The following C5 variants were observed in gnomAD, a reference collection of about 807,000 sequenced individuals.
C5 encodes C3 and PZP-like alpha-2-macroglobulin domain-containing protein 4.
Under a neutral mutation model 218.8 loss-of-function variants are expected in C5, and 140 were observed. That is an observed-to-expected ratio of 0.64 (90% CI 0.56 to 0.74). The LOEUF (loss-of-function observed/expected upper bound fraction) is 0.74, where lower values mean the gene tolerates loss of function less well. C5 is among the 30% of genes least tolerant of loss of function. The pLI is 0.00. For synonymous variants in C5, 614 were observed against 682.3 expected, an observed-to-expected ratio of 0.90 and a Z score of 1.56; for missense variants, 1,700 against 1,969.6, an observed-to-expected ratio of 0.86 and a Z score of 2.59.
intron 22 of C5, among the ~76,000 whole-genome samples, chr9:120,992,916 T>TTGTTGCTCAAAGAGGTACATCAGAGAC (rs1238952108): frequency 6.6e-6 from 1 of 152,226 alleles, no homozygotes; most frequent in Non-Finnish European, 1.5e-5. Flanking sequence ...TGAAGGCTTG[T>TTGTTGCTCAAAGAGGTACATCAGAGAC]TGTTGCTCAA....
At chr9:120,970,392 C>T (rs900981376) in intron 31 of C5, 141 bp from the exon 32 acceptor site, 23 of 697,384 alleles carry the variant, frequency 3.3e-5, no homozygotes, top group Non-Finnish European at 5.2e-5. Context: ...ATTAGTGACT[C>T]ATTTTTCCAG....
rs750863888 is a variant in C5, at chr9:121,021,510, T to C, written c.1301A>G (p.Asn434Ser). 6.2e-7 allele frequency: 1 copy of C among 1,612,074 alleles called. No individual in the cohort carries two copies. The highest frequency in any genetic ancestry group is 1.1e-5 in the South Asian group (1 of 91,042). ...ATACAACAGGAGAATTCAGCTCACA[T>C]TAAACTCCAGCACCGTCACTCCAGA... is the stretch of plus-strand genomic sequence containing the variant. ...LPSGVTVLEF[N>S]VKTDAPDLPE... The change falls in exon 11 of 41, where the codon AAT becomes AGT. Residue 434 changes from asparagine to serine, a missense_variant and splice_region_variant. Asn to Ser is a conservative substitution (Grantham distance 46). Coordinates refer to ENST00000223642, the MANE Select transcript of C5 (RefSeq NM_001735.3).
At chr9:120,989,346 T>C (rs1293364433) in intron 24 of C5, among the ~76,000 whole-genome samples, 1 of 152,196 alleles carries the variant, frequency 6.6e-6, no homozygotes. Flanking sequence ...AAGTGTTCTG[T>C]AGTTTGGAAT....
At chr9:121,025,416 G>A (rs1053692189) in intron 9 of C5, 38 bp downstream of exon 9, 14 of 197,110 alleles carry the variant, frequency 7.1e-5, no homozygotes, top group Non-Finnish European at 9.6e-5. Context: ...TCAAAAGAAA[G>A]TATACACACA....
intron 25 of C5, among the ~76,000 whole-genome samples, chr9:120,987,352 G>GA (rs1182042981): frequency 4.0e-5 from 6 of 151,566 alleles, no homozygotes; most frequent in Non-Finnish European, 7.4e-5. Context: ...AATAGCTAAA[G>GA]AAAAAAAACT....
intron 20 of C5, among the ~76,000 whole-genome samples, chr9:121,005,250 T>C (rs1395424328): frequency 3.9e-5 from 6 of 152,170 alleles, no homozygotes; most frequent in Non-Finnish European, 8.8e-5. Context: ...ATGGTTGGAA[T>C]TGTGTCCTGG....
At chr9:121,060,053 G>T in the C5 span, among the ~76,000 whole-genome samples, 1 of 152,152 alleles carries the variant, frequency 6.6e-6, no homozygotes, top group African/African-American at 2.4e-5. Context: ...CATAGCAATA[G>T]TAATTTTACA....
At chr9:121,002,968 G>A (rs956986087) in intron 20 of C5, among the ~76,000 whole-genome samples, 3 of 152,082 alleles carry the variant, frequency 2.0e-5, no homozygotes, top group African/African-American at 4.8e-5. Context: ...GAAGAGAAAT[G>A]AGTAACATTT....
the C5 span, among the ~76,000 whole-genome samples, chr9:121,069,625 C>A: frequency 6.6e-6 from 1 of 151,938 alleles, no homozygotes; most frequent in Non-Finnish European, 1.5e-5. Context: ...GCAATCCTCC[C>A]ACTCAGCCTC....
chr9:120,999,374 T>C (rs181100134), intron 20 of C5, among the ~76,000 whole-genome samples: 2 of 152,274 alleles, frequency 1.3e-5, no homozygotes, highest in East Asian at 1.9e-4. Flanking sequence ...GCAGGTCCCA[T>C]TGGTGCCTTG....
rs891560290 is a variant in C5, at chr9:121,006,160, A to G, written c.2423-102T>C. ...ACATTTGCTTTACTTCAAGGAAAAA[A>G]TAATATTAGATCATGTTTTTCTCTG... On this transcript the variant is annotated intron_variant, in intron 19 of 40. Transcript: ENST00000223642. The G allele has an allele frequency of 8.3e-6, 9 of 1,086,952 alleles. No individual in the cohort carries two copies. In the African/African-American group the frequency reaches 1.3e-4, roughly 15 times the overall value. 67.3% of individuals were successfully genotyped at this position (1,086,952 alleles called of 1,614,324 possible).
intron 20 of C5, among the ~76,000 whole-genome samples, chr9:121,002,316 G>GTGTGTGTGTGTGTATATATATA (rs572345213): frequency 0.018 from 1,606 of 87,194 alleles, 83 homozygotes; most frequent in Admixed American, 0.061. Context: ...ATATGTGTGT[G>GTGTGTGTGTGTGTATATATATA]TATATATATA....
chr9:121,009,005 C>T (rs999320013), intron 17 of C5, among the ~76,000 whole-genome samples: 5 of 152,006 alleles, frequency 3.3e-5, no homozygotes, highest in African/African-American at 1.2e-4. Context: ...CAAAACAAAG[C>T]ATTAAATATC....
At chr9:121,009,570 G>A (rs543600798) in intron 17 of C5, among the ~76,000 whole-genome samples, 3 of 152,246 alleles carry the variant, frequency 2.0e-5, no homozygotes, top group East Asian at 3.9e-4. Flanking sequence ...ATTGAAAAAC[G>A]AAAAAATATA....
rs1223856246 is a variant in C5, at chr9:120,997,549, C to A, written c.2788G>T (p.Val930Leu). 2 of 1,607,406 alleles carry A rather than the reference C, an allele frequency of 1.2e-6. No homozygotes were observed. The highest frequency in any genetic ancestry group is 1.3e-5 in the African/African-American group (1 of 74,884). Residue 930 changes from valine to leucine, a missense_variant and splice_region_variant, in exon 21 of 41, where the codon GTG becomes TTG. Physicochemically the swap from Val to Leu is conservative, Grantham distance 32. Transcript: ENST00000223642. Reference sequence around the variant, plus strand: ...TTATTGAAGCATGTTTTTCTTACCACCACTCGTAATGTTTTTACTAAGATT... The same window carrying A: ...TTATTGAAGCATGTTTTTCTTACCAACACTCGTAATGTTTTTACTAAGATT... ...KEILVKTLRV[V>L]PEGVKRESYS...
intron 28 of C5, among the ~76,000 whole-genome samples, chr9:120,977,782 C>T (rs2046964343): frequency 1.3e-5 from 2 of 152,106 alleles, no homozygotes; most frequent in Admixed American, 6.5e-5. Context: ...TTAGTAGAGT[C>T]GAAAGTGCAA....
Position 121,025,580 on chromosome 9 carries a change from A to C in C5, c.874T>G (p.Leu292Val). ...GTGACTTGAGCAATTCCATTTATCAACTTTTTAAAAGGAGAAAAAGGAGGA... is the reference window on the plus strand; with the variant it reads ...GTGACTTGAGCAATTCCATTTATCACCTTTTTAAAAGGAGAAAAAGGAGGA... ...MMQTAMQNTMLINGIAQVTFD... is the reference protein window; with the variant it reads ...MMQTAMQNTMVINGIAQVTFD... The change falls in exon 9 of 41, where the codon TTG becomes GTG. Residue 292 changes from leucine (L) to valine (V), a missense_variant and splice_region_variant. Leu to Val is a conservative substitution (Grantham distance 32, BLOSUM62 1). Coordinates refer to ENST00000223642, the MANE Select transcript of C5 (RefSeq NM_001735.3). 1 of 1,611,898 alleles carries C rather than the reference A, an allele frequency of 6.2e-7. No individual in the cohort carries two copies. The highest frequency in any genetic ancestry group is 8.5e-7 in the Non-Finnish European group (1 of 1,179,432).
intron 33 of C5, among the ~76,000 whole-genome samples, chr9:120,967,840 G>A (rs956203497): frequency 6.6e-6 from 1 of 152,010 alleles, no homozygotes; most frequent in African/African-American, 2.4e-5. Flanking sequence ...TCCTGCCTCA[G>A]CCTCCTGAGT....
At chr9:121,011,519 T>A (rs971977521) in intron 17 of C5, among the ~76,000 whole-genome samples, 1 of 139,654 alleles carries the variant, frequency 7.2e-6, no homozygotes, top group Non-Finnish European at 1.5e-5. Flanking sequence ...TCTTGTACAC[T>A]GTTAGTGGGG....
Sources: gnomAD v4.1 joint callset for allele counts (sites outside exome capture counted in the v4.1 genomes callset) on GRCh38, gnomAD v4.1.1 for gene constraint, MANE v1.5 for transcripts, NCBI Gene and HGNC (gene_info 2026-07-23, HGNC 2026-07-21) for gene names.